The following TAFA2 variants were observed in gnomAD, a reference collection of about 807,000 sequenced individuals.
The protein encoded by TAFA2 is TAFA chemokine like family member 2.
TAFA2 carries 7 observed loss-of-function variants against 18.8 expected under a neutral mutation model. The observed-to-expected ratio is 0.37, with a 90% confidence interval of 0.21 to 0.70. TAFA2 has a LOEUF of 0.70. TAFA2 is among the 30% of genes least tolerant of loss of function. TAFA2 has a pLI of 0.53. For synonymous variants in TAFA2, 60 were observed against 54.2 expected, an observed-to-expected ratio of 1.11 and a Z score of -0.47; for missense variants, 122 against 158.1, an observed-to-expected ratio of 0.77 and a Z score of 1.23.
chr12:61,749,801 T>G (rs573415131), intron 4 of TAFA2, among the ~76,000 whole-genome samples: 35 of 152,182 alleles, frequency 2.3e-4, no homozygotes, highest in African/African-American at 7.7e-4. Flanking sequence ...ATGTAAAGTC[T>G]TATATAATAC....
At chr12:62,148,684 C>G (rs984894198) in intron 1 of TAFA2, among the ~76,000 whole-genome samples, 2 of 152,188 alleles carry the variant, frequency 1.3e-5, no homozygotes, top group Admixed American at 1.3e-4. Flanking sequence ...CATGTACCCT[C>G]TGGATCTAAA....
intron 1 of TAFA2, among the ~76,000 whole-genome samples, chr12:62,100,908 T>C (rs1303516020): frequency 6.6e-6 from 1 of 152,168 alleles, no homozygotes; most frequent in Admixed American, 6.5e-5. Context: ...AACTGAAGCG[T>C]AAAAGTTTAA....
chr12:61,992,390 T>C (rs1289408153), intron 1 of TAFA2, among the ~76,000 whole-genome samples: 1 of 152,190 alleles, frequency 6.6e-6, no homozygotes, highest in East Asian at 1.9e-4. Flanking sequence ...TAGTAAAGCC[T>C]ATAAGCTCTT....
intron 2 of TAFA2, among the ~76,000 whole-genome samples, chr12:61,838,102 G>T (rs144655080): frequency 1.3e-5 from 2 of 152,066 alleles, no homozygotes; most frequent in Non-Finnish European, 2.9e-5. Context: ...CCTTTCTGGT[G>T]GTAGAACAGT....
At chr12:61,956,637 A>AAAG (rs1305698036) in intron 1 of TAFA2, among the ~76,000 whole-genome samples, 14 of 151,660 alleles carry the variant, frequency 9.2e-5, no homozygotes, top group African/African-American at 3.1e-4. Flanking sequence ...TTGTTAAAAA[A>AAAG]AAAAAAAAAA....
chr12:62,036,634 C>T (rs1291938577), intron 1 of TAFA2, among the ~76,000 whole-genome samples: 1 of 152,090 alleles, frequency 6.6e-6, no homozygotes, highest in East Asian at 1.9e-4. Flanking sequence ...TTCTAATATG[C>T]TTATTAGGGA....
At chr12:61,870,395 G>A in intron 1 of TAFA2, among the ~76,000 whole-genome samples, 1 of 152,256 alleles carries the variant, frequency 6.6e-6, no homozygotes, top group Non-Finnish European at 1.5e-5. Context: ...TTTAGTAAGT[G>A]CCTGATAAAT....
At chr12:61,917,507 T>C (rs756479149) in intron 1 of TAFA2, among the ~76,000 whole-genome samples, 3 of 152,030 alleles carry the variant, frequency 2.0e-5, no homozygotes, top group Non-Finnish European at 4.4e-5. Context: ...ATTTCTTTCG[T>C]TTATTTGATT....
At chr12:61,757,151 G>A (rs563620818) in intron 2 of TAFA2, among the ~76,000 whole-genome samples, 1 of 152,164 alleles carries the variant, frequency 6.6e-6, no homozygotes, top group East Asian at 1.9e-4. Context: ...GGCAAGAGTG[G>A]AGACCAGTTA....
chr12:61,830,133 T>C (rs1301842125), intron 2 of TAFA2, among the ~76,000 whole-genome samples: 3 of 151,364 alleles, frequency 2.0e-5, no homozygotes, highest in East Asian at 1.9e-4. Context: ...GACTGGATGA[T>C]TGGATAAATG....
chr12:62,257,170 G>GTATATGTATATATACACAATGTGTA (rs373610382), intron 1 of TAFA2, among the ~76,000 whole-genome samples: 1 of 66,578 alleles, frequency 1.5e-5, no homozygotes, highest in Non-Finnish European at 3.3e-5. Context: ...ATATGTGTGT[G>GTATATGTATATATACACAATGTGTA]TGTGTGTGTG....
intron 2 of TAFA2, among the ~76,000 whole-genome samples, chr12:61,853,876 A>C (rs958173651): frequency 6.6e-6 from 1 of 152,202 alleles, no homozygotes. Flanking sequence ...AGAATGCTGA[A>C]CTTGTAACAC....
intron 1 of TAFA2, among the ~76,000 whole-genome samples, chr12:62,156,699 A>G (rs936089756): frequency 2.0e-5 from 3 of 152,190 alleles, no homozygotes; most frequent in Admixed American, 2.0e-4. Context: ...AAATAACTCA[A>G]GAATGGACAA....
intron 2 of TAFA2, among the ~76,000 whole-genome samples, chr12:61,837,876 AT>A (rs1165836665): frequency 2.6e-5 from 4 of 152,042 alleles, no homozygotes; most frequent in Non-Finnish European, 4.4e-5. Context: ...TAAGAAAATT[AT>A]ATTAGAGCTG....
At chr12:62,128,987 A>C (rs1287064761) in intron 1 of TAFA2, among the ~76,000 whole-genome samples, 2 of 152,090 alleles carry the variant, frequency 1.3e-5, no homozygotes, top group African/African-American at 4.8e-5. Context: ...ATAAATCAGT[A>C]AACAACATCA....
intron 1 of TAFA2, among the ~76,000 whole-genome samples, chr12:62,016,671 A>G (rs968497490): frequency 1.3e-5 from 2 of 152,174 alleles, no homozygotes; most frequent in African/African-American, 4.8e-5. Flanking sequence ...CATTCCTCCG[A>G]GCCCTTCTCA....
At chr12:62,170,805 A>G (rs1466741062) in intron 1 of TAFA2, among the ~76,000 whole-genome samples, 4 of 152,004 alleles carry the variant, frequency 2.6e-5, no homozygotes, top group Admixed American at 6.6e-5. Flanking sequence ...CTAGCCTCCA[A>G]TGTCTATTAT....
At chr12:61,915,468 C>A (rs1876784142) in intron 1 of TAFA2, among the ~76,000 whole-genome samples, 1 of 152,148 alleles carries the variant, frequency 6.6e-6, no homozygotes, top group South Asian at 2.1e-4. Context: ...GAAACTGAAC[C>A]AATAAGCTAT....
At chr12:62,118,657 A>T (rs1037167111) in intron 1 of TAFA2, among the ~76,000 whole-genome samples, 2 of 151,734 alleles carry the variant, frequency 1.3e-5, no homozygotes, top group African/African-American at 4.8e-5. Flanking sequence ...TTCTTCCAAA[A>T]GAACAGTGTA....
Sources: gnomAD v4.1 joint callset for allele counts (sites outside exome capture counted in the v4.1 genomes callset) on GRCh38, gnomAD v4.1.1 for gene constraint, MANE v1.5 for transcripts, NCBI Gene and HGNC (gene_info 2026-07-23, HGNC 2026-07-21) for gene names.